The following RBM6 variants were observed in gnomAD, a reference collection of about 807,000 sequenced individuals.
RBM6 encodes RNA binding motif protein 6.
Under a neutral mutation model 140.4 loss-of-function variants are expected in RBM6, and 23 were observed. The ratio of observed to expected loss-of-function variants is 0.16; its 90% CI spans 0.12 to 0.23. RBM6 has a LOEUF of 0.23. Among genes scored for constraint, RBM6 ranks in the 10% least tolerant of loss-of-function variants. The pLI, the probability that RBM6 is intolerant of heterozygous loss-of-function variation, is 1.00. For missense variants in RBM6, 1,139 were observed against 1,386.7 expected (o/e 0.82, Z 2.84); for synonymous variants, 439 against 475.6 (o/e 0.92, Z 1.00).
chr3:50,000,751 A>G (rs943388263), intron 6 of RBM6, among the ~76,000 whole-genome samples: 9 of 152,176 alleles, frequency 5.9e-5, no homozygotes, highest in Non-Finnish European at 1.0e-4. Flanking sequence ...GCTCTGCCAG[A>G]GAAGAGTAGT....
intron 1 of RBM6, among the ~76,000 whole-genome samples, chr3:49,942,882 CTG>C (rs2083348660): frequency 6.6e-6 from 1 of 152,124 alleles, no homozygotes; most frequent in African/African-American, 2.4e-5. Flanking sequence ...AAAAAAGAAA[CTG>C]TAACCATTAA....
intron 6 of RBM6, among the ~76,000 whole-genome samples, chr3:50,012,437 A>G (rs1351720552): frequency 2.0e-5 from 3 of 151,554 alleles, no homozygotes; most frequent in Non-Finnish European, 4.4e-5. Flanking sequence ...AGCTCACTGC[A>G]ACCTCCACCT....
chr3:50,041,805 T>C (rs985421806), intron 6 of RBM6, among the ~76,000 whole-genome samples: 2 of 152,184 alleles, frequency 1.3e-5, no homozygotes, highest in African/African-American at 4.8e-5. Flanking sequence ...TTTGTGGCAG[T>C]CTCTCTAAAA....
intron 8 of RBM6, among the ~76,000 whole-genome samples, chr3:50,054,617 T>A (rs1460719241): frequency 6.6e-6 from 1 of 151,760 alleles, no homozygotes; most frequent in Non-Finnish European, 1.5e-5. Flanking sequence ...GCGATTCCCC[T>A]GCCCTAGCCT....
At position 49,989,832 on chromosome 3, in the gene RBM6, C is replaced by T. The variant is rs921053350; in HGVS notation, c.1484-9608C>T. Reference sequence around the variant, plus strand: ...CATCATCTCGATTCACTGTAGCCTCCGCCTCCCAGATTCAAGCCATTCTCG... The same window carrying T: ...CATCATCTCGATTCACTGTAGCCTCTGCCTCCCAGATTCAAGCCATTCTCG... On this transcript the variant is annotated intron_variant, in intron 5 of 20. Coordinates refer to ENST00000266022, the MANE Select transcript of RBM6 (RefSeq NM_005777.3). Among the ~76,000 whole-genome samples the T allele has an allele frequency of 2.6e-5, 4 of 152,048 alleles. No homozygotes were observed. In the East Asian group the frequency reaches 5.8e-4, roughly 22 times the overall value.
intron 20 of RBM6, 23 bp downstream of exon 20, chr3:50,075,353 G>C (rs781607177): frequency 5.6e-6 from 9 of 1,603,268 alleles, no homozygotes; most frequent in South Asian, 4.5e-5. Context: ...CCATCTTTTG[G>C]GGGGTGACAT....
At chr3:49,963,925 G>A (rs987964184) in intron 2 of RBM6, among the ~76,000 whole-genome samples, 2 of 151,844 alleles carry the variant, frequency 1.3e-5, no homozygotes, top group African/African-American at 4.8e-5. Flanking sequence ...TTTCAAAATG[G>A]AGTCTCACTC....
At chr3:50,031,549 G>GGA in intron 6 of RBM6, among the ~76,000 whole-genome samples, 2 of 151,626 alleles carry the variant, frequency 1.3e-5, no homozygotes, top group South Asian at 2.1e-4. Context: ...CTTGGACACA[G>GGA]AGCGGGGAAC....
At chr3:49,954,530 C>G (rs1033305956) in intron 1 of RBM6, among the ~76,000 whole-genome samples, 31 of 152,042 alleles carry the variant, frequency 2.0e-4, no homozygotes, top group African/African-American at 6.7e-4. Context: ...ATCCTTCTGC[C>G]TCAGCCTCCC....
chr3:50,055,184 T>C (rs1358090653), intron 8 of RBM6, among the ~76,000 whole-genome samples: 2 of 152,180 alleles, frequency 1.3e-5, no homozygotes, highest in Admixed American at 1.3e-4. Context: ...TCCCAGCACT[T>C]TGGGAGGCCA....
intron 1 of RBM6, among the ~76,000 whole-genome samples, chr3:49,962,188 T>C (rs1002659546): frequency 1.4e-4 from 19 of 140,700 alleles, no homozygotes; most frequent in Admixed American, 5.3e-4. Context: ...GTGCAGTGGC[T>C]CACGCCTGTA....
chr3:50,066,159 G>A lies in RBM6; in HGVS notation c.2683-83G>A. On this transcript the variant is annotated intron_variant, in intron 16 of 20. Transcript: ENST00000266022. ...TTTTGAACCCAATTCAATGAAATGAGATGCCCATATCAGAATATCAAAAAA... is the reference window on the plus strand; with the variant it reads ...TTTTGAACCCAATTCAATGAAATGAAATGCCCATATCAGAATATCAAAAAA... The A allele has an allele frequency of 3.6e-6, 5 of 1,396,850 alleles. No homozygotes were observed. The South Asian group carries it at 5.8e-5, about 16-fold the overall frequency. The allele number at this position is 1,396,850 out of a possible 1,614,324, so 86.5% of individuals were successfully genotyped here.
chr3:49,965,389 G>A (rs529600936), intron 2 of RBM6, among the ~76,000 whole-genome samples: 162 of 152,358 alleles, frequency 1.1e-3, no homozygotes, highest in Non-Finnish European at 1.7e-3. Flanking sequence ...GAACATCTAG[G>A]GCGGGCGTGG....
At chr3:50,057,492 G>T (rs1575832619) in intron 8 of RBM6, among the ~76,000 whole-genome samples, 1 of 148,280 alleles carries the variant, frequency 6.7e-6, no homozygotes, top group Non-Finnish European at 1.5e-5. Context: ...GAAGGCTGAG[G>T]CAGGAGAATC....
intron 5 of RBM6, among the ~76,000 whole-genome samples, chr3:49,999,052 T>C (rs1307275136): frequency 6.6e-6 from 1 of 151,870 alleles, no homozygotes; most frequent in Admixed American, 6.6e-5. Flanking sequence ...TTTTTTTTTT[T>C]TTCCAGATAC....
chr3:50,043,799 G>A (rs1403698837), intron 6 of RBM6, among the ~76,000 whole-genome samples: 1 of 151,722 alleles, frequency 6.6e-6, no homozygotes, highest in Admixed American at 6.6e-5. Context: ...GGCAGGGATG[G>A]TCTTGATCTC....
At chr3:50,033,431 A>G (rs1319274960) in intron 6 of RBM6, among the ~76,000 whole-genome samples, 1 of 152,060 alleles carries the variant, frequency 6.6e-6, no homozygotes, top group African/African-American at 2.4e-5. Context: ...TTTATAATTA[A>G]ATATATAAAT....
At chr3:49,974,591 C>T (rs979129074) in intron 4 of RBM6, among the ~76,000 whole-genome samples, 3 of 150,058 alleles carry the variant, frequency 2.0e-5, no homozygotes, top group Non-Finnish European at 4.4e-5. Flanking sequence ...CCAGGATGGT[C>T]TCAATCTCCT....
chr3:50,057,708 CTT>C lies in RBM6; in HGVS notation c.1694-18_1694-17del, dbSNP rs780363673. On this transcript the variant is annotated intron_variant, in intron 8 of 20. Coordinates refer to ENST00000266022, the MANE Select transcript of RBM6 (RefSeq NM_005777.3). ...TTTGATAAAGCTTTCTAGAGATTCTCTTTGTTTCTGTTCCACTAGTGACAGAG... is the reference window on the plus strand; with the variant it reads ...TTTGATAAAGCTTTCTAGAGATTCTCTGTTTCTGTTCCACTAGTGACAGAG... 7 of 1,465,588 alleles carry C rather than the reference CTT, an allele frequency of 4.8e-6. No individual in the cohort carries two copies. Among genetic ancestry groups the C allele is most frequent in the Non-Finnish European group, 3.7e-6 (4 of 1,095,622 alleles). 90.8% of individuals were successfully genotyped at this position (1,465,588 alleles called of 1,614,324 possible).
Sources: allele counts gnomAD v4.1 joint callset (sites outside exome capture counted in the v4.1 genomes callset), GRCh38; gene constraint gnomAD v4.1.1; transcripts MANE v1.5; gene names NCBI Gene and HGNC (gene_info 2026-07-23, HGNC 2026-07-21).